Variants in STRIP2 observed in about 807,000 individuals in gnomAD.
STRIP2 encodes striatin interacting protein 2.
A neutral mutation model predicts 107.1 loss-of-function variants in STRIP2; 84 were observed. The observed-to-expected ratio is 0.78, with a 90% CI of 0.66 to 0.94. The LOEUF is 0.94. Among genes scored for constraint, STRIP2 ranks in the 40% least tolerant of loss-of-function variants. The pLI, the probability that STRIP2 is intolerant of heterozygous loss-of-function variation, is 0.00. For synonymous variants in STRIP2, 394 were observed against 400.4 expected (o/e 0.98, Z 0.19); for missense variants, 888 against 1,034.2 (o/e 0.86, Z 1.94).
intron 15 of STRIP2, 46 bp downstream of exon 15, chr7:129,464,187 C>T: frequency 7.1e-7 from 1 of 1,408,438 alleles, no homozygotes; most frequent in Non-Finnish European, 1.0e-6. Context: ...GCTGTCTTAT[C>T]TGCAGGCTCT....
intron 14 of STRIP2, 83 bp from the exon 15 acceptor site, chr7:129,463,961 A>G: frequency 9.5e-7 from 1 of 1,048,074 alleles, no homozygotes; most frequent in Non-Finnish European, 1.4e-6. Flanking sequence ...AACACTTTTT[A>G]TAGGGCGGTT....
At chr7:129,485,455 CAAA>C (rs34127145) in intron 20 of STRIP2, 121 bp from the exon 21 acceptor site, 1,081 of 767,200 alleles carry the variant, frequency 1.4e-3, no homozygotes, top group Non-Finnish European at 1.5e-3. Flanking sequence ...TTGCTCTTTA[CAAA>C]AAAAAAAAAA....
rs1799164856 is a variant in STRIP2, at chr7:129,482,931, A to G, written c.2139A>G (p.Leu713=). The G allele has an allele frequency of 6.2e-7, 1 of 1,614,050 alleles. No homozygotes were observed. Among genetic ancestry groups the G allele is most frequent in the Non-Finnish European group, 8.5e-7 (1 of 1,180,038 alleles). ...TGCAACTTTATGTCCTAAAGCTACT[A>G]AAGTTACAGACCAAGTACCTGGGGC... ...AMLQLYVLKL[L]KLQTKYLGRQ... is the part of the protein sequence containing the mutation. Residue 713 remains leucine (L), a synonymous_variant, in exon 20 of 21, where the codon CTA becomes CTG. Transcript: ENST00000249344.
intron 18 of STRIP2, among the ~76,000 whole-genome samples, chr7:129,476,701 G>A (rs1025250250): frequency 2.0e-5 from 3 of 151,778 alleles, no homozygotes; most frequent in Non-Finnish European, 2.9e-5. Context: ...CTGGGCAGCC[G>A]GGCAGAGGGG....
chr7:129,436,534 T>G (rs1797744115), intron 1 of STRIP2, among the ~76,000 whole-genome samples: 1 of 152,216 alleles, frequency 6.6e-6, no homozygotes, highest in African/African-American at 2.4e-5. Context: ...CATCTCTATC[T>G]GGGCTCATTG....
chr7:129,439,295 C>T (rs889514295), intron 1 of STRIP2, among the ~76,000 whole-genome samples: 3 of 152,180 alleles, frequency 2.0e-5, no homozygotes, highest in Admixed American at 1.3e-4. Context: ...TTTTATGTCA[C>T]GCTGAGGCAC....
chr7:129,467,534 C>G, intron 17 of STRIP2, 84 bp downstream of exon 17: 1 of 912,266 alleles, frequency 1.1e-6, no homozygotes, highest in South Asian at 1.5e-5. Context: ...TTTCAGTTTT[C>G]CTGGTGTCCC....
intron 14 of STRIP2, 141 bp from the exon 15 acceptor site, chr7:129,463,903 G>A: frequency 3.0e-6 from 2 of 657,114 alleles, no homozygotes; most frequent in East Asian, 2.8e-5. Context: ...TTTTCTGGAT[G>A]CTGGGGAGAT....
Position 129,487,718 on chromosome 7 carries a change from C to A in STRIP2, c.*1889C>A, listed in dbSNP as rs1584979856. ...TCCTGTAAATTAATCTACAGTCAGG[C>A]TAGTATGATTTTAATATGATTTGAG... is the stretch of plus-strand genomic sequence containing the variant. On this transcript the variant is annotated 3_prime_UTR_variant, in exon 21 of 21. Transcript: ENST00000249344. 1 of 152,008 alleles carries A rather than the reference C, an allele frequency of 6.6e-6. No individual in the cohort carries two copies. The highest frequency in any genetic ancestry group is 2.1e-4 in the South Asian group (1 of 4,828). The allele number at this position is 152,008 out of a possible 1,614,324, so 9.4% of individuals were successfully genotyped here.
chr7:129,466,916 T>C (rs1332863498), intron 16 of STRIP2, among the ~76,000 whole-genome samples: 1 of 152,260 alleles, frequency 6.6e-6, no homozygotes, highest in African/African-American at 2.4e-5. Context: ...TATTATGTGC[T>C]GTCACCATCC....
At position 129,456,141 on chromosome 7, in the gene STRIP2, C is replaced by CTTTTTTTTTTTTTT. The variant is rs775446984; in HGVS notation, c.835-290_835-289insTTTTTTTTTTTTTT. 4.9e-5 allele frequency among the ~76,000 whole-genome samples: 4 copies of CTTTTTTTTTTTTTT among 81,008 alleles called. 2 individuals are homozygous for CTTTTTTTTTTTTTT. The highest frequency in any genetic ancestry group is 7.5e-5 in the African/African-American group (2 of 26,754). 53.1% of individuals were successfully genotyped at this position (81,008 alleles called of 152,430 possible). On this transcript the variant is annotated intron_variant, in intron 8 of 20. Coordinates refer to ENST00000249344, the MANE Select transcript of STRIP2 (RefSeq NM_020704.3). ...TGTTCCTTAAAAAAGTCGATAGTTT[C>CTTTTTTTTTTTTTT]TTTTTTTTCTTTTTTTTTTTTTTTG...
At chr7:129,455,899 G>T (rs751754949) in intron 8 of STRIP2, among the ~76,000 whole-genome samples, 1 of 152,112 alleles carries the variant, frequency 6.6e-6, no homozygotes, top group Non-Finnish European at 1.5e-5. Flanking sequence ...TTCCCAAAAT[G>T]TTGGGATTAC....
Position 129,455,376 on chromosome 7 carries a change from G to C in STRIP2, c.834+5G>C. The C allele has an allele frequency of 6.2e-7, 1 of 1,611,180 alleles. No homozygotes were observed. The highest frequency in any genetic ancestry group is 8.5e-7 in the Non-Finnish European group (1 of 1,178,888). The stretch of plus-strand genomic sequence containing the variant: ...CTGCTCTGGAAGGTGGTCATGGTGA[G>C]TAATTCTCCCCACTCCCACATTATC... On this transcript the variant is annotated splice_donor_5th_base_variant and intron_variant, in intron 8 of 20. Coordinates refer to ENST00000249344, the MANE Select transcript of STRIP2 (RefSeq NM_020704.3).
At chr7:129,443,640 G>A (rs1465285853) in intron 2 of STRIP2, among the ~76,000 whole-genome samples, 1 of 152,204 alleles carries the variant, frequency 6.6e-6, no homozygotes, top group Non-Finnish European at 1.5e-5. Flanking sequence ...CTAAGTTTCA[G>A]GAGTTGTGTT....
chr7:129,458,810 A>G lies in STRIP2; in HGVS notation c.1340+33A>G. On this transcript the variant is annotated intron_variant, in intron 11 of 20. Transcript: ENST00000249344. This position sits in a 1 kb window ranked among gnomAD's most constrained non-coding sequence, Gnocchi z 4.6. ...ACTGAATGGCTGGAACTGGCTACAGAGTGGTTCCTAGGGGGCCAGAGGAGC... is the reference window on the plus strand; with the variant it reads ...ACTGAATGGCTGGAACTGGCTACAGGGTGGTTCCTAGGGGGCCAGAGGAGC... 6.2e-7 allele frequency: 1 copy of G among 1,609,166 alleles called. No homozygotes were observed. The highest frequency in any genetic ancestry group is 8.5e-7 in the Non-Finnish European group (1 of 1,175,702).
At chr7:129,476,213 A>G (rs372536989) in intron 18 of STRIP2, among the ~76,000 whole-genome samples, 459 of 8,160 alleles carry the variant, frequency 0.056, 6 homozygotes, top group South Asian at 0.28. Flanking sequence ...TCCCTCCCGG[A>G]CGGGGCGGCT....
In STRIP2 at chr7:129,483,337, T is replaced by C; in HGVS notation, c.2254+291T>C. On this transcript the variant is annotated intron_variant, in intron 20 of 20. Transcript: ENST00000249344. This position sits in a 1 kb window ranked among gnomAD's most constrained non-coding sequence, Gnocchi z 5.1. ...TTAAATGACAGCTTTCTCCAAAAGA[T>C]TTAAATTAAAACAACTTTTTATTAT... 2 of 1,123,754 alleles carry C rather than the reference T, an allele frequency of 1.8e-6. No homozygotes were observed. The highest frequency in any genetic ancestry group is 2.2e-6 in the Non-Finnish European group (2 of 906,276). 69.6% of individuals were successfully genotyped at this position (1,123,754 alleles called of 1,614,324 possible).
rs1798249962 is a variant in STRIP2 at position 129,453,344 on chromosome 7, T to C, written c.527T>C (p.Ile176Thr). ...TTCCTGGAGCTACTCCACATGGAAA[T>C]TGAGTGAGAAGCCTTAGGGGAAGGG... ...STFLELLHME[I>T]DNSQACSSAL... Residue 176 changes from isoleucine (I) to threonine (T), a missense_variant, in exon 5 of 21, where the codon ATT becomes ACT. Coordinates refer to ENST00000249344, the MANE Select transcript of STRIP2 (RefSeq NM_020704.3). 6.2e-7 allele frequency: 1 copy of C among 1,614,080 alleles called. No homozygotes were observed. The highest frequency in any genetic ancestry group is 1.1e-5 in the South Asian group (1 of 91,064).
rs900976451 is a variant in STRIP2 at position 129,486,491 on chromosome 7, G to C, written c.*662G>C. ...TGAAAATTATTTCCTTGTGTACTCT[G>C]TATAGGGCATGGAATGCTCTGCCAT... is the stretch of plus-strand genomic sequence containing the variant. On this transcript the variant is annotated 3_prime_UTR_variant, in exon 21 of 21. Coordinates refer to ENST00000249344, the MANE Select transcript of STRIP2 (RefSeq NM_020704.3). 6.6e-6 allele frequency: 1 copy of C among 152,460 alleles called. No individual in the cohort carries two copies. The highest frequency in any genetic ancestry group is 2.4e-5 in the African/African-American group (1 of 41,424). 9.4% of individuals were successfully genotyped at this position (152,460 alleles called of 1,614,324 possible).
Sources: gnomAD v4.1 joint callset for allele counts (sites outside exome capture counted in the v4.1 genomes callset) on GRCh38, gnomAD v4.1.1 for gene constraint, Gnocchi (gnomAD v3.1) non-coding constraint, MANE v1.5 for transcripts, NCBI Gene and HGNC (gene_info 2026-07-23, HGNC 2026-07-21) for gene names.